The following CELF2 variants were observed in gnomAD, a reference collection of about 807,000 sequenced individuals.
The protein encoded by CELF2 is CUG triplet repeat RNA-binding protein 2.
A neutral mutation model predicts 62.6 loss-of-function variants in CELF2; 8 were observed. The ratio of observed to expected loss-of-function variants is 0.13; its 90% CI spans 0.07 to 0.23. The LOEUF (loss-of-function observed/expected upper bound fraction) is 0.23, where lower values mean the gene tolerates loss of function less well. Among genes scored for constraint, CELF2 ranks in the 10% least tolerant of loss-of-function variants. The pLI, the probability that CELF2 is intolerant of heterozygous loss-of-function variation, is 1.00. For missense variants in CELF2, 333 were observed against 671.0 expected, an observed-to-expected ratio of 0.50 and a Z score of 5.56; for synonymous variants, 258 against 250.0, an observed-to-expected ratio of 1.03 and a Z score of -0.30.
intron 8 of CELF2, among the ~76,000 whole-genome samples, chr10:11,281,501 T>G (rs569152710): frequency 1.4e-3 from 208 of 152,238 alleles, no homozygotes; most frequent in African/African-American, 4.9e-3. Flanking sequence ...GGCTCACACT[T>G]GTAGTCCCAG....
chr10:11,261,631 A>G (rs1054777559), intron 5 of CELF2, among the ~76,000 whole-genome samples: 7 of 152,300 alleles, frequency 4.6e-5, no homozygotes, highest in African/African-American at 1.4e-4. Context: ...CAGCGTAGCC[A>G]TATCTCAGTA....
At chr10:10,487,546 C>T in the CELF2 span, among the ~76,000 whole-genome samples, 1 of 152,088 alleles carries the variant, frequency 6.6e-6, no homozygotes, top group African/African-American at 2.4e-5. Context: ...CGTCCATGAC[C>T]CCATCCTTCC....
At chr10:10,661,135 T>C in the CELF2 span, among the ~76,000 whole-genome samples, 1 of 152,214 alleles carries the variant, frequency 6.6e-6, no homozygotes. Flanking sequence ...AGAATACTTC[T>C]CCAGTCCCAG....
chr10:10,627,696 T>C, the CELF2 span, among the ~76,000 whole-genome samples: 1 of 152,178 alleles, frequency 6.6e-6, no homozygotes, highest in Non-Finnish European at 1.5e-5. Context: ...AGACACCACC[T>C]TGAACCCAGC....
chr10:11,179,432 A>G (rs1252347606), intron 2 of CELF2, among the ~76,000 whole-genome samples: 1 of 152,200 alleles, frequency 6.6e-6, no homozygotes. Context: ...TGTCTCTGAA[A>G]TTTGCGTGCC....
chr10:10,741,261 C>T, the CELF2 span, among the ~76,000 whole-genome samples: 1 of 151,918 alleles, frequency 6.6e-6, no homozygotes, highest in Non-Finnish European at 1.5e-5. Context: ...ACCTGTCATC[C>T]CAGCACTTTG....
In CELF2 at chr10:11,165,701, G is replaced by A. The variant is rs2066866742; in HGVS notation, c.271+19G>A. On this transcript the variant is annotated intron_variant, in intron 2 of 12. Coordinates refer to ENST00000633077, the MANE Select transcript of CELF2 (RefSeq NM_001326342.2). The surrounding 1 kb of genome is among the most constrained non-coding windows in gnomAD (Gnocchi z 7.4). ...AGTAAAGGTACAGAGCGCGGGGCGGGGGTCGCCAGGCGTCCAGGTGGGCGT... is the reference window on the plus strand; with the variant it reads ...AGTAAAGGTACAGAGCGCGGGGCGGAGGTCGCCAGGCGTCCAGGTGGGCGT... 6.3e-7 allele frequency: 1 copy of A among 1,597,050 alleles called. No homozygotes were observed. The highest frequency in any genetic ancestry group is 1.1e-5 in the South Asian group (1 of 89,942).
At chr10:10,749,354 A>G in the CELF2 span, among the ~76,000 whole-genome samples, 1 of 152,184 alleles carries the variant, frequency 6.6e-6, no homozygotes, top group African/African-American at 2.4e-5. Context: ...AGCATGGGGA[A>G]CAAGCTGAGG....
In CELF2 at chr10:11,171,302, T is replaced by G. The variant is rs1437007930; in HGVS notation, c.271+5620T>G. On this transcript the variant is annotated intron_variant, in intron 2 of 12. Coordinates refer to ENST00000633077, the MANE Select transcript of CELF2 (RefSeq NM_001326342.2). ...AGCAGCTTTTGTGTGGGTTAGATGC[T>G]CTTGCTGTTTCAGCCTCGTCTTGGT... 4 of 152,218 alleles carry G rather than the reference T, an allele frequency of 2.6e-5. No individual in the cohort carries two copies. In the East Asian group the frequency reaches 7.7e-4, roughly 29 times the overall value. 9.4% of individuals were successfully genotyped at this position (152,218 alleles called of 1,614,324 possible). A position where few individuals can be genotyped will look rare whatever the true frequency, so the allele number is the denominator to read the frequency against.
chr10:10,737,023 TCAGCAGAC>T, the CELF2 span, among the ~76,000 whole-genome samples: 442 of 152,282 alleles, frequency 2.9e-3, 2 homozygotes, highest in Middle Eastern at 3.4e-3. Flanking sequence ...ATTCTAAATC[TCAGCAGAC>T]CCTATGACGG....
rs749862239 is a variant in CELF2, at chr10:11,319,130, T to C, written c.1097-2059T>C. On this transcript the variant is annotated intron_variant, in intron 10 of 12. Transcript: ENST00000633077. This position sits in a 1 kb window ranked among gnomAD's most constrained non-coding sequence, Gnocchi z 4.4. ...GTCGCCGCTCCTCTCCCGCCAGAAT[T>C]TCCTCCACACGGGCATCTGCATTTC... is the stretch of plus-strand genomic sequence containing the variant. 4.3e-6 allele frequency: 2 copies of C among 470,226 alleles called. No individual in the cohort carries two copies. Among genetic ancestry groups the C allele is most frequent in the Non-Finnish European group, 8.8e-6 (2 of 226,988 alleles). The allele number at this position is 470,226 out of a possible 1,614,324, so 29.1% of individuals were successfully genotyped here.
intron 2 of CELF2, among the ~76,000 whole-genome samples, chr10:11,169,537 G>A (rs2068205705): frequency 7.0e-6 from 1 of 143,364 alleles, no homozygotes; most frequent in South Asian, 2.3e-4. Context: ...CCACAGTTCA[G>A]AGGAAATGGG....
intron 2 of CELF2, chr10:10,920,064 C>T: frequency 2.8e-6 from 3 of 1,083,992 alleles, no homozygotes; most frequent in Non-Finnish European, 3.5e-6. Flanking sequence ...AAGTACTGTG[C>T]CATGTCTTCT....
the CELF2 span, among the ~76,000 whole-genome samples, chr10:10,592,006 C>T: frequency 6.6e-6 from 1 of 151,866 alleles, no homozygotes; most frequent in Non-Finnish European, 1.5e-5. Flanking sequence ...CTAAACAGTC[C>T]CTGAGGCCAA....
intron 1 of CELF2, among the ~76,000 whole-genome samples, chr10:10,886,258 T>C (rs1417048545): frequency 6.6e-6 from 1 of 152,206 alleles, no homozygotes; most frequent in African/African-American, 2.4e-5. Context: ...CATAAGTCAC[T>C]TGACCATCTG....
chr10:11,214,613 C>T lies in CELF2; in HGVS notation c.272-2812C>T, dbSNP rs573945222. On this transcript the variant is annotated intron_variant, in intron 2 of 12. Coordinates refer to ENST00000633077, the MANE Select transcript of CELF2 (RefSeq NM_001326342.2). This position sits in a 1 kb window ranked among gnomAD's most constrained non-coding sequence, Gnocchi z 4.2. The stretch of plus-strand genomic sequence containing the variant: ...CTCCAGGCTTCCCTGCCAAACGCGG[C>T]GCCTGTGGAGCTGTGCTGGGGCTCA... 2.0e-5 allele frequency among the ~76,000 whole-genome samples: 3 copies of T among 152,298 alleles called. No homozygotes were observed. Among genetic ancestry groups the T allele is most frequent in the African/African-American group, 4.8e-5 (2 of 41,564 alleles).
chr10:10,579,847 A>T, the CELF2 span, among the ~76,000 whole-genome samples: 1 of 148,468 alleles, frequency 6.7e-6, no homozygotes, highest in Admixed American at 6.7e-5. Context: ...AAAAATAAAT[A>T]CACACACACA....
At chr10:10,537,635 A>T in the CELF2 span, among the ~76,000 whole-genome samples, 3 of 152,262 alleles carry the variant, frequency 2.0e-5, no homozygotes, top group South Asian at 6.2e-4. Flanking sequence ...TTTTGGTGTC[A>T]GGAGAACCAG....
At chr10:10,840,305 A>G (rs955703781) in intron 1 of CELF2, among the ~76,000 whole-genome samples, 1 of 152,212 alleles carries the variant, frequency 6.6e-6, no homozygotes, top group African/African-American at 2.4e-5. Context: ...CAAAGTGGCT[A>G]TATTATTTTG....
Sources: gnomAD v4.1 joint callset for allele counts (sites outside exome capture counted in the v4.1 genomes callset) on GRCh38, gnomAD v4.1.1 for gene constraint, Gnocchi (gnomAD v3.1) non-coding constraint, MANE v1.5 for transcripts, NCBI Gene and HGNC (gene_info 2026-07-23, HGNC 2026-07-21) for gene names.